Variants in CNTN4 observed in about 807,000 individuals in gnomAD.
CNTN4 encodes the protein contactin-4.
CNTN4 carries 77 observed loss-of-function variants against 122.5 expected under a neutral mutation model. That is an observed-to-expected ratio of 0.63 (90% CI 0.52 to 0.76). The LOEUF (loss-of-function observed/expected upper bound fraction) is 0.76. Among genes scored for constraint, CNTN4 ranks in the 30% least tolerant of loss-of-function variants. The pLI is 0.00. For missense variants in CNTN4, 1,256 were observed against 1,259.1 expected (o/e 1.00, Z 0.04); for synonymous variants, 512 against 447.0 (o/e 1.15, Z -1.83).
At chr3:2,403,610 C>G (rs2046934054) in intron 3 of CNTN4, among the ~76,000 whole-genome samples, 1 of 152,106 alleles carries the variant, frequency 6.6e-6, no homozygotes, top group African/African-American at 2.4e-5. Flanking sequence ...CTAGGCTAAT[C>G]TGATTGTCAG....
At chr3:2,286,164 A>G (rs1017522415) in intron 2 of CNTN4, among the ~76,000 whole-genome samples, 2 of 151,472 alleles carry the variant, frequency 1.3e-5, no homozygotes, top group African/African-American at 2.4e-5. Context: ...TGGTAGGTTG[A>G]ACTTTTAAAC....
At chr3:2,133,373 T>C (rs2034539945) in intron 2 of CNTN4, among the ~76,000 whole-genome samples, 1 of 152,176 alleles carries the variant, frequency 6.6e-6, no homozygotes, top group African/African-American at 2.4e-5. Context: ...TGCATCTCTA[T>C]GAGGGGCAAT....
chr3:2,423,707 T>C lies in CNTN4; in HGVS notation c.-89+84474T>C, dbSNP rs1361213801. 2.0e-5 allele frequency among the ~76,000 whole-genome samples: 3 copies of C among 152,112 alleles called. No homozygotes were observed. The South Asian group carries it at 6.2e-4, about 32-fold the overall frequency. On this transcript the variant is annotated intron_variant, in intron 3 of 24. Coordinates refer to ENST00000418658, the MANE Select transcript of CNTN4 (RefSeq NM_175607.3). ...GATTGCTATCTAGCTATTTGTAGTTTTGTAGCATCATCTGTTCCAAAACTG... is the reference window on the plus strand; with the variant it reads ...GATTGCTATCTAGCTATTTGTAGTTCTGTAGCATCATCTGTTCCAAAACTG...
At chr3:2,912,845 A>G (rs549485920) in intron 12 of CNTN4, among the ~76,000 whole-genome samples, 1 of 152,322 alleles carries the variant, frequency 6.6e-6, no homozygotes, top group South Asian at 2.1e-4. Flanking sequence ...AAAACATATC[A>G]TTTTTAAAAA....
chr3:2,289,812 A>G (rs1216687213), intron 2 of CNTN4, among the ~76,000 whole-genome samples: 1 of 152,200 alleles, frequency 6.6e-6, no homozygotes, highest in Non-Finnish European at 1.5e-5. Context: ...ATTTCTAAGA[A>G]TAGTCATTGA....
At position 2,925,655 on chromosome 3, in the gene CNTN4, C is replaced by T. The variant is rs750932320; in HGVS notation, c.1234C>T (p.Leu412Phe). ...TGTAGGTCCAGATTTTTCAAGAACA[C>T]TCTTGAAAAGAGTAACTCTTGTCAA... ...IAVGPDFSRT[L>F]LKRVTLVKVG... The change falls in exon 13 of 25, where the codon CTC (leucine) becomes TTC (phenylalanine). Residue 412 changes from leucine (L) to phenylalanine (F), a missense_variant. Transcript: ENST00000418658. 3 of 1,613,804 alleles carry T rather than the reference C, an allele frequency of 1.9e-6. No homozygotes were observed. Among genetic ancestry groups the T allele is most frequent in the Non-Finnish European group, 2.5e-6 (3 of 1,179,854 alleles).
At chr3:2,481,095 T>TTCTTTCTC (rs2075990737) in intron 3 of CNTN4, among the ~76,000 whole-genome samples, 1 of 104,450 alleles carries the variant, frequency 9.6e-6, no homozygotes, top group African/African-American at 4.7e-5. Flanking sequence ...CTCTCTTTCT[T>TTCTTTCTC]TCTTTCTTTC....
chr3:2,224,758 T>C (rs879264508), intron 2 of CNTN4, among the ~76,000 whole-genome samples: 1 of 152,198 alleles, frequency 6.6e-6, no homozygotes, highest in Non-Finnish European at 1.5e-5. Flanking sequence ...CAGCTCAATA[T>C]GGGGTATCAG....
In CNTN4 at chr3:2,239,792, G is replaced by A. The variant is rs572116328; in HGVS notation, c.-144-99386G>A. 7.1e-4 allele frequency among the ~76,000 whole-genome samples: 108 copies of A among 152,230 alleles called. 1 individual carries two copies. Among genetic ancestry groups the A allele is most frequent in the African/African-American group, 2.6e-3 (106 of 41,544 alleles). On this transcript the variant is annotated intron_variant, in intron 2 of 24. Transcript: ENST00000418658. ...ATAAAAGGGTACAATTAATTTATTT[G>A]GTCACCAGTGTTCTTGTTTTCTTGC...
chr3:2,460,279 T>G (rs2049158556), intron 3 of CNTN4, among the ~76,000 whole-genome samples: 1 of 152,268 alleles, frequency 6.6e-6, no homozygotes, highest in East Asian at 1.9e-4. Flanking sequence ...TTCAATCACC[T>G]TAAAGTTGCC....
At chr3:2,284,832 A>G (rs2041845316) in intron 2 of CNTN4, among the ~76,000 whole-genome samples, 1 of 151,942 alleles carries the variant, frequency 6.6e-6, no homozygotes, top group African/African-American at 2.4e-5. Flanking sequence ...TATGTAAAAT[A>G]TTTCTGATGT....
chr3:2,361,814 G>A (rs1317904377), intron 3 of CNTN4, among the ~76,000 whole-genome samples: 1 of 152,184 alleles, frequency 6.6e-6, no homozygotes, highest in Non-Finnish European at 1.5e-5. Context: ...TAGGCCCTGC[G>A]AATCTGTGAG....
In CNTN4 at chr3:2,174,741, A is replaced by G. The variant is rs537803240; in HGVS notation, c.-145+74102A>G. Among the ~76,000 whole-genome samples the G allele has an allele frequency of 3.8e-4, 58 of 152,282 alleles. 2 individuals carry two copies. In the South Asian group the frequency reaches 0.011, roughly 30 times the overall value. Reference sequence around the variant, plus strand: ...GGTTTAATTGACTCACAGTTCTGCAAGTGGTATAAGCATGGCATTGGCATC... The same window carrying G: ...GGTTTAATTGACTCACAGTTCTGCAGGTGGTATAAGCATGGCATTGGCATC... On this transcript the variant is annotated intron_variant, in intron 2 of 24. Transcript: ENST00000418658.
intron 9 of CNTN4, among the ~76,000 whole-genome samples, chr3:2,884,927 AG>A (rs953724043): frequency 4.6e-5 from 7 of 152,254 alleles, no homozygotes; most frequent in Non-Finnish European, 1.0e-4. Context: ...ACTTAAGAGC[AG>A]GAAGACTACA....
At chr3:2,803,090 C>G (rs1488642461) in intron 6 of CNTN4, among the ~76,000 whole-genome samples, 2 of 152,026 alleles carry the variant, frequency 1.3e-5, no homozygotes, top group Non-Finnish European at 2.9e-5. Context: ...TCCAATGAGT[C>G]AGTAAGAAAA....
chr3:2,586,264 G>C (rs553614446), intron 4 of CNTN4, among the ~76,000 whole-genome samples: 71 of 152,164 alleles, frequency 4.7e-4, no homozygotes, highest in African/African-American at 1.7e-3. Context: ...CATTTTTGTT[G>C]TTGTTGTTTG....
At chr3:2,547,564 C>G (rs2078301604) in intron 3 of CNTN4, among the ~76,000 whole-genome samples, 1 of 151,980 alleles carries the variant, frequency 6.6e-6, no homozygotes, top group Non-Finnish European at 1.5e-5. Flanking sequence ...CATGCCTGGC[C>G]ATGAGATAAT....
Position 2,805,645 on chromosome 3 carries a change from C to T in CNTN4, c.359-13841C>T, listed in dbSNP as rs534259694. Among the ~76,000 whole-genome samples the T allele has an allele frequency of 2.0e-5, 3 of 152,262 alleles. No individual in the cohort carries two copies. In the South Asian group the frequency reaches 6.2e-4, roughly 32 times the overall value. On this transcript the variant is annotated intron_variant, in intron 6 of 24. Transcript: ENST00000418658. Reference sequence around the variant, plus strand: ...GCTGTACCTTGGCACTGTCTGTGCACACTGACCTGCATTGAAAACAATGGG... The same window carrying T: ...GCTGTACCTTGGCACTGTCTGTGCATACTGACCTGCATTGAAAACAATGGG...
intron 3 of CNTN4, among the ~76,000 whole-genome samples, chr3:2,566,087 T>C (rs1297177406): frequency 6.6e-6 from 1 of 152,188 alleles, no homozygotes; most frequent in Non-Finnish European, 1.5e-5. Context: ...ATCCTTTACA[T>C]TATGAGTATT....
Sources: gnomAD v4.1 joint callset for allele counts (sites outside exome capture counted in the v4.1 genomes callset) on GRCh38, gnomAD v4.1.1 for gene constraint, MANE v1.5 for transcripts, NCBI Gene and HGNC (gene_info 2026-07-23, HGNC 2026-07-21) for gene names.